The following ICA1 variants were observed in gnomAD, a reference collection of about 807,000 sequenced individuals.
ICA1 encodes the protein islet cell autoantigen 1.
In ICA1, 40 loss-of-function variants were observed where a neutral mutation model predicts 71.0. The observed-to-expected ratio is 0.56, with a 90% confidence interval of 0.44 to 0.73. The LOEUF (loss-of-function observed/expected upper bound fraction) is 0.73, where lower values mean the gene tolerates loss of function less well. ICA1 is among the 30% of genes least tolerant of loss of function. ICA1 has a pLI of 0.00. For synonymous variants in ICA1, 207 were observed against 209.5 expected (o/e 0.99, Z 0.10); for missense variants, 578 against 576.5 (o/e 1.00, Z -0.03).
intron 10 of ICA1, among the ~76,000 whole-genome samples, 182 bp from the exon 11 acceptor site, chr7:8,139,229 T>A (rs975131679): frequency 1.4e-4 from 21 of 152,174 alleles, no homozygotes; most frequent in African/African-American, 5.1e-4. Flanking sequence ...AATGCCAAAT[T>A]AACAGCCCTG....
chr7:8,155,131 T>C (rs987045915), intron 8 of ICA1, among the ~76,000 whole-genome samples: 3 of 152,204 alleles, frequency 2.0e-5, no homozygotes, highest in African/African-American at 7.2e-5. Flanking sequence ...ATTTGGTTGG[T>C]TTCTGAACAT....
intron 8 of ICA1, among the ~76,000 whole-genome samples, chr7:8,147,413 T>C (rs1797399763): frequency 6.6e-6 from 1 of 152,144 alleles, no homozygotes; most frequent in Non-Finnish European, 1.5e-5. Flanking sequence ...TTAAAATTAT[T>C]ATTAATAATT....
chr7:8,142,928 T>C (rs1358052458), intron 9 of ICA1, among the ~76,000 whole-genome samples: 1 of 152,250 alleles, frequency 6.6e-6, no homozygotes, highest in Non-Finnish European at 1.5e-5. Context: ...ATCTAGTACA[T>C]ATACTCTTTA....
chr7:8,202,795 C>G (rs758124669), intron 6 of ICA1, among the ~76,000 whole-genome samples: 120 of 152,260 alleles, frequency 7.9e-4, no homozygotes, highest in Admixed American at 1.6e-3. Flanking sequence ...ATCTGTAGGA[C>G]CTGGTGGTGA....
chr7:8,246,127 A>G (rs1205096451), intron 1 of ICA1, among the ~76,000 whole-genome samples: 1 of 152,230 alleles, frequency 6.6e-6, no homozygotes, highest in Non-Finnish European at 1.5e-5. Context: ...GATGTCCTAA[A>G]GATCTGCTTG....
chr7:8,220,954 G>C (rs1048904671), intron 5 of ICA1, among the ~76,000 whole-genome samples: 1 of 151,998 alleles, frequency 6.6e-6, no homozygotes, highest in Non-Finnish European at 1.5e-5. Flanking sequence ...AAGGGGACCA[G>C]ACTGATTGCT....
At chr7:8,249,642 G>GT (rs1261808101) in intron 1 of ICA1, among the ~76,000 whole-genome samples, 6 of 152,104 alleles carry the variant, frequency 3.9e-5, no homozygotes, top group Non-Finnish European at 8.8e-5. Flanking sequence ...ACTAATTTAC[G>GT]TAACTTCTTC....
At chr7:8,252,786 TATTA>T (rs1359468871) in intron 1 of ICA1, among the ~76,000 whole-genome samples, 2 of 151,778 alleles carry the variant, frequency 1.3e-5, no homozygotes, top group East Asian at 1.9e-4. Flanking sequence ...TTTGCTTATT[TATTA>T]CTTTTTTATA....
chr7:8,180,483 G>C (rs1224058690), intron 6 of ICA1, among the ~76,000 whole-genome samples: 1 of 152,074 alleles, frequency 6.6e-6, no homozygotes, highest in Non-Finnish European at 1.5e-5. Flanking sequence ...ATACTGCCGT[G>C]AACATTCTTG....
chr7:8,169,907 T>TGTGC (rs1294588087), intron 6 of ICA1, among the ~76,000 whole-genome samples: 1 of 151,436 alleles, frequency 6.6e-6, no homozygotes, highest in African/African-American at 2.4e-5. Context: ...CCTGAGTGTG[T>TGTGC]GTGTGTGTGT....
chr7:8,120,567 T>C (rs1029524555), intron 13 of ICA1, among the ~76,000 whole-genome samples: 3 of 152,172 alleles, frequency 2.0e-5, no homozygotes, highest in Non-Finnish European at 1.5e-5. Context: ...CATGAAGGTG[T>C]GGCTAGAAAG....
At chr7:8,156,444 C>T (rs1176019952) in intron 8 of ICA1, 1 of 154,378 alleles carries the variant, frequency 6.5e-6, no homozygotes, top group African/African-American at 2.4e-5. Flanking sequence ...CCTTTTGGAA[C>T]CAAAATCACT....
chr7:8,157,226 G>T lies in ICA1; in HGVS notation c.706-12C>A, dbSNP rs370494797. 1 of 1,592,084 alleles carries T rather than the reference G, an allele frequency of 6.3e-7. No homozygotes were observed. The highest frequency in any genetic ancestry group is 8.5e-7 in the Non-Finnish European group (1 of 1,172,408). ...TGAAGCAGAGTGGTCTGCAAAGAAA[G>T]ACAGTAAAGCTATTAATGTTTTGAA... is the stretch of plus-strand genomic sequence containing the variant. On this transcript the variant is annotated splice_polypyrimidine_tract_variant and intron_variant, in intron 7 of 13. Transcript: ENST00000402384.
In ICA1 at chr7:8,123,244, T is replaced by C. The variant is rs1787710854; in HGVS notation, c.1330+4629A>G. Among the ~76,000 whole-genome samples the C allele has an allele frequency of 6.6e-6, 1 of 152,232 alleles. No individual in the cohort carries two copies. The highest frequency in any genetic ancestry group is 1.5e-5 in the Non-Finnish European group (1 of 68,038). ...AAAGTAGGGGGAAAAGAGGATATCA[T>C]TGTTCTCCAAATCCCCCTTCCTCTC... On this transcript the variant is annotated intron_variant, in intron 13 of 13. Coordinates refer to ENST00000402384, the MANE Select transcript of ICA1 (RefSeq NM_001136020.3). This position sits in a 1 kb window ranked among gnomAD's most constrained non-coding sequence, Gnocchi z 4.1.
chr7:8,151,517 A>G (rs925043274), intron 8 of ICA1, among the ~76,000 whole-genome samples: 4 of 152,226 alleles, frequency 2.6e-5, no homozygotes, highest in Non-Finnish European at 4.4e-5. Context: ...TAAAGTAATG[A>G]CAATGAGAGA....
intron 5 of ICA1, chr7:8,218,718 T>C (rs1796147544): frequency 5.2e-6 from 3 of 573,238 alleles, no homozygotes; most frequent in Non-Finnish European, 9.4e-6. Flanking sequence ...CTTAGTTTAC[T>C]GCTACTAACT....
intron 8 of ICA1, among the ~76,000 whole-genome samples, chr7:8,155,963 T>C (rs1048150668): frequency 1.3e-5 from 2 of 152,204 alleles, no homozygotes; most frequent in African/African-American, 4.8e-5. Context: ...GTGCTTATAG[T>C]TGACAGAGCA....
intron 12 of ICA1, among the ~76,000 whole-genome samples, chr7:8,128,561 TGTGGCAGCCTGTCC>T (rs1790223507): frequency 6.6e-6 from 1 of 152,190 alleles, no homozygotes. Context: ...CAACACGCCA[TGTGGCAGCCTGTCC>T]TGCCACCCAG....
rs554465376 is a variant in ICA1, at chr7:8,226,004, T to C, written c.256+2597A>G. The stretch of plus-strand genomic sequence containing the variant: ...AAAAATAATTATGTTCCAAAACTAC[T>C]GAGGTTAGTTCTTTTTTTTTCTGAT... On this transcript the variant is annotated intron_variant, in intron 4 of 13. Transcript: ENST00000402384. The surrounding 1 kb of genome is among the most constrained non-coding windows in gnomAD (Gnocchi z 4.4). 6.6e-6 allele frequency among the ~76,000 whole-genome samples: 1 copy of C among 152,324 alleles called. No homozygotes were observed. The highest frequency in any genetic ancestry group is 2.1e-4 in the South Asian group (1 of 4,830).
Sources: allele counts gnomAD v4.1 joint callset (sites outside exome capture counted in the v4.1 genomes callset), GRCh38; gene constraint gnomAD v4.1.1; non-coding constraint Gnocchi (gnomAD v3.1); transcripts MANE v1.5; gene names NCBI Gene and HGNC (gene_info 2026-07-23, HGNC 2026-07-21).